The following ATAD2 variants were observed in gnomAD, a reference collection of about 807,000 sequenced individuals.
ATAD2 encodes ATPase family AAA domain containing 2, also known as ATPase family AAA domain-containing protein 2.
ATAD2 carries 62 observed loss-of-function variants against 168.9 expected under a neutral mutation model. The observed-to-expected ratio is 0.37, with a 90% CI of 0.30 to 0.45. The LOEUF (loss-of-function observed/expected upper bound fraction) is 0.45. ATAD2 is among the 20% of genes least tolerant of loss of function. ATAD2 has a pLI of 1.00. For missense variants in ATAD2, 1,419 were observed against 1,667.8 expected (o/e 0.85, Z 2.60); for synonymous variants, 613 against 571.6 (o/e 1.07, Z -1.03).
At chr8:123,353,556 C>G (rs767560997) in intron 13 of ATAD2, among the ~76,000 whole-genome samples, 9 of 151,990 alleles carry the variant, frequency 5.9e-5, no homozygotes, top group Non-Finnish European at 8.8e-5. Context: ...CATTCTGGTA[C>G]GATTCCAGTA....
intron 13 of ATAD2, among the ~76,000 whole-genome samples, chr8:123,354,019 A>G (rs1828554523): frequency 6.6e-6 from 1 of 152,174 alleles, no homozygotes; most frequent in African/African-American, 2.4e-5. Flanking sequence ...CTGTAATCCC[A>G]GCTACTCGGG....
intron 1 of ATAD2, among the ~76,000 whole-genome samples, chr8:123,415,742 G>C (rs966684435): frequency 6.6e-6 from 1 of 152,086 alleles, no homozygotes; most frequent in African/African-American, 2.4e-5. Context: ...TTACAGGCGC[G>C]CGCCTCCACG....
At position 123,402,980 on chromosome 8, in the gene ATAD2, G is replaced by C. The variant is rs114859983; in HGVS notation, c.-2281-1805C>G. Among the ~76,000 whole-genome samples, 1 of 152,126 alleles carries C rather than the reference G, an allele frequency of 6.6e-6. No individual in the cohort carries two copies. The highest frequency in any genetic ancestry group is 1.5e-5 in the Non-Finnish European group (1 of 68,032). The stretch of plus-strand genomic sequence containing the variant: ...TCTTATCCACAGAGTGATTTGTGTC[G>C]CGCTGTTCTGGAATGTGACGAGGAA... On this transcript the variant is annotated intron_variant, in intron 1 of 28. Coordinates refer to the ATAD2 transcript ENST00000521903. This position sits in a 1 kb window ranked among gnomAD's most constrained non-coding sequence, Gnocchi z 4.8.
intron 1 of ATAD2, among the ~76,000 whole-genome samples, chr8:123,408,308 G>A (rs1274518693): frequency 6.6e-6 from 1 of 152,142 alleles, no homozygotes. Flanking sequence ...AAATCCTACA[G>A]GGAAATACAC....
intron 27 of ATAD2, among the ~76,000 whole-genome samples, chr8:123,321,424 A>C (rs1227649147): frequency 6.6e-6 from 1 of 151,174 alleles, no homozygotes; most frequent in African/African-American, 2.4e-5. Flanking sequence ...AATAGTATTA[A>C]TCAAGGTACT....
chr8:123,348,145 A>G, intron 15 of ATAD2, 38 bp downstream of exon 15: 1 of 1,428,280 alleles, frequency 7.0e-7, no homozygotes, highest in Non-Finnish European at 9.6e-7. Context: ...TTTGAAATAA[A>G]TGTAGTATTT....
chr8:123,400,690 C>T, upstream of ATAD2: 1 of 740,964 alleles, frequency 1.3e-6, no homozygotes, highest in African/African-American at 1.7e-5. This position sits in a 1 kb window ranked among gnomAD's most constrained non-coding sequence, Gnocchi z 4.5. Context: ...CCTGATTCTC[C>T]CAGGATTCAT....
Position 123,333,114 on chromosome 8 carries a change from C to T in ATAD2, c.3478+764G>A, listed in dbSNP as rs562728456. Among the ~76,000 whole-genome samples the T allele has an allele frequency of 2.5e-3, 376 of 151,526 alleles. 3 individuals are homozygous for T. Among genetic ancestry groups the T allele is most frequent in the South Asian group, 4.6e-3 (22 of 4,802 alleles). On this transcript the variant is annotated intron_variant, in intron 24 of 27. Transcript: ENST00000287394. ...AAAAAGGTAGTGAGGAATGGCCAGG[C>T]GCAGTGGCTCACGCCTGTAATCCCA...
chr8:123,380,899 T>C (rs1829475622), intron 1 of ATAD2: 2 of 501,858 alleles, frequency 4.0e-6, no homozygotes, highest in Admixed American at 3.6e-5. Context: ...GATTTACTGG[T>C]TTATAGTTCA....
Position 123,344,965 on chromosome 8 carries a change from T to G in ATAD2, c.2637A>C (p.Thr879=). Residue 879 remains threonine (T), a synonymous_variant, in exon 19 of 28, where the codon ACA becomes ACC. Coordinates refer to ENST00000287394, the MANE Select transcript of ATAD2 (RefSeq NM_014109.4). ...VGPTLKATFT[T]LLQNIPSFAP... is the part of the protein sequence containing the mutation. ...CAAATGAAGGAATATTCTGTAATAA[T>G]GTGGTAAATGTGGCTTTAAGTGTCG... The G allele has an allele frequency of 6.2e-7, 1 of 1,614,086 alleles. No individual in the cohort carries two copies. Among genetic ancestry groups the G allele is most frequent in the Non-Finnish European group, 8.5e-7 (1 of 1,179,920 alleles).
intron 23 of ATAD2, 39 bp downstream of exon 23, chr8:123,334,161 A>T: frequency 6.4e-7 from 1 of 1,555,532 alleles, no homozygotes; most frequent in Non-Finnish European, 8.6e-7. Context: ...TTCATTGATA[A>T]TATTAGGTTG....
In ATAD2 at chr8:123,336,530, A is replaced by G; in HGVS notation, c.3054T>C (p.Val1018=). 3.3e-6 allele frequency: 5 copies of G among 1,504,134 alleles called. No homozygotes were observed. Among genetic ancestry groups the G allele is most frequent in the Non-Finnish European group, 4.4e-6 (5 of 1,131,396 alleles). The allele number at this position is 1,504,134 out of a possible 1,614,324, so 93.2% of individuals were successfully genotyped here. A position where few individuals can be genotyped will look rare whatever the true frequency, so the allele number is the denominator to read the frequency against. The change falls in exon 22 of 28, where the codon GTT becomes GTC. Residue 1018 remains valine, a splice_region_variant and synonymous_variant. Transcript: ENST00000287394. Reference sequence around the variant, plus strand: ...GCTTTATTACAGTGACATAATCAGGAACCTAAAATTCAAGCAAATGATCAA... The same window carrying G: ...GCTTTATTACAGTGACATAATCAGGGACCTAAAATTCAAGCAAATGATCAA... ...VFTKPVDPDE[V]PDYVTVIKQP...
intron 2 of ATAD2, among the ~76,000 whole-genome samples, chr8:123,380,011 TGA>T (rs1036380396): frequency 2.0e-5 from 3 of 150,706 alleles, no homozygotes; most frequent in African/African-American, 7.3e-5. Flanking sequence ...CTCAGCCTCC[TGA>T]GTAGCTGGGA....
chr8:123,405,420 C>CTTTT (rs112395027), intron 1 of ATAD2, among the ~76,000 whole-genome samples: 2 of 148,514 alleles, frequency 1.3e-5, no homozygotes, highest in Non-Finnish European at 1.5e-5. Context: ...TGAAGCCTGG[C>CTTTT]TTTTTTTTTT....
chr8:123,366,121 A>C (rs1172655178), intron 8 of ATAD2, among the ~76,000 whole-genome samples: 1 of 152,226 alleles, frequency 6.6e-6, no homozygotes, highest in East Asian at 1.9e-4. Flanking sequence ...ATGAACAGAC[A>C]ATTCTTAAAA....
At chr8:123,335,461 C>A (rs1827890404) in intron 22 of ATAD2, among the ~76,000 whole-genome samples, 1 of 152,034 alleles carries the variant, frequency 6.6e-6, no homozygotes, top group Non-Finnish European at 1.5e-5. Flanking sequence ...ACAAGCACCA[C>A]CAATTTAAAA....
At chr8:123,382,686 A>T (rs550965296) in intron 1 of ATAD2, among the ~76,000 whole-genome samples, 67 of 152,374 alleles carry the variant, frequency 4.4e-4, no homozygotes, top group African/African-American at 1.5e-3. Flanking sequence ...ATCATTAAAA[A>T]GTCAAGAAAC....
intron 1 of ATAD2, among the ~76,000 whole-genome samples, chr8:123,393,100 G>T (rs1812663207): frequency 6.6e-6 from 1 of 151,718 alleles, no homozygotes; most frequent in Non-Finnish European, 1.5e-5. Flanking sequence ...CAGGAGAATG[G>T]CGTGAACCCG....
At chr8:123,413,340 T>C (rs756465008) in intron 1 of ATAD2, among the ~76,000 whole-genome samples, 2 of 151,826 alleles carry the variant, frequency 1.3e-5, no homozygotes, top group Non-Finnish European at 2.9e-5. Context: ...AGTTGCTGAA[T>C]AAAATCTGTT....
Sources: allele counts gnomAD v4.1 joint callset (sites outside exome capture counted in the v4.1 genomes callset), GRCh38; gene constraint gnomAD v4.1.1; non-coding constraint Gnocchi (gnomAD v3.1); transcripts MANE v1.5; gene names NCBI Gene and HGNC (gene_info 2026-07-23, HGNC 2026-07-21).